The following EPHA5 variants were observed in gnomAD, a reference collection of about 807,000 sequenced individuals.
EPHA5 encodes the protein ephrin type-A receptor 5.
Under a neutral mutation model 105.0 loss-of-function variants are expected in EPHA5, and 60 were observed. That is an observed-to-expected ratio of 0.57 (90% CI 0.46 to 0.71). The LOEUF is 0.71. Among genes scored for constraint, EPHA5 ranks in the 30% least tolerant of loss-of-function variants. The pLI is 0.00. For synonymous variants in EPHA5, 513 were observed against 449.1 expected (o/e 1.14, Z -1.80); for missense variants, 1,218 against 1,274.7 (o/e 0.96, Z 0.68).
chr4:65,431,834 T>A (rs1295665060), intron 5 of EPHA5, among the ~76,000 whole-genome samples: 1 of 152,112 alleles, frequency 6.6e-6, no homozygotes, highest in African/African-American at 2.4e-5. Flanking sequence ...GAGAGTGGCC[T>A]CATTTATCTT....
intron 3 of EPHA5, among the ~76,000 whole-genome samples, chr4:65,505,750 A>C (rs1732946798): frequency 6.6e-6 from 1 of 152,094 alleles, no homozygotes; most frequent in South Asian, 2.1e-4. Context: ...CAAAACTAGC[A>C]TTTGTAATTA....
chr4:65,420,075 T>C (rs1336168441), intron 6 of EPHA5, among the ~76,000 whole-genome samples: 1 of 152,188 alleles, frequency 6.6e-6, no homozygotes, highest in Non-Finnish European at 1.5e-5. Context: ...AGGTGTTATG[T>C]TGAGTTACTG....
Position 65,321,317 on chromosome 4 carries a change from T to C in EPHA5, c.*2797A>G, listed in dbSNP as rs1719621803. The C allele has an allele frequency of 1.3e-5, 3 of 230,300 alleles. No individual in the cohort carries two copies. The South Asian group carries it at 5.4e-4, about 42-fold the overall frequency. 14.3% of individuals were successfully genotyped at this position (230,300 alleles called of 1,614,324 possible). A position where few individuals can be genotyped will look rare whatever the true frequency, so the allele number is the denominator to read the frequency against. On this transcript the variant is annotated 3_prime_UTR_variant, in exon 17 of 17. Transcript: ENST00000613740. ...CAAAATGAATCAACAGAATAAGAAA[T>C]TACACAATCAAGATTTGTTAAACTT... is the stretch of plus-strand genomic sequence containing the variant.
chr4:65,388,145 A>G (rs1403353055), intron 8 of EPHA5, among the ~76,000 whole-genome samples: 5 of 149,320 alleles, frequency 3.3e-5, no homozygotes, highest in Middle Eastern at 3.4e-3. Flanking sequence ...AAGGACATGA[A>G]CTCATCATTT....
chr4:65,593,765 G>A (rs190002924), intron 3 of EPHA5, among the ~76,000 whole-genome samples: 1 of 152,326 alleles, frequency 6.6e-6, no homozygotes, highest in East Asian at 1.9e-4. Context: ...GATTTGAGCT[G>A]AGGCCGGCAT....
At chr4:65,399,648 A>G (rs1287789752) in intron 8 of EPHA5, among the ~76,000 whole-genome samples, 1 of 152,212 alleles carries the variant, frequency 6.6e-6, no homozygotes, top group Non-Finnish European at 1.5e-5. Flanking sequence ...TGTTTTGTTT[A>G]TATGCAAGAA....
intron 10 of EPHA5, 92 bp from the exon 11 acceptor site, chr4:65,365,294 T>G (rs766571166): frequency 9.5e-7 from 1 of 1,050,794 alleles, no homozygotes; most frequent in Non-Finnish European, 1.4e-6. Flanking sequence ...AAGGCTTAGA[T>G]GAAAAAACAA....
rs147908609 is a variant in EPHA5, at chr4:65,370,830, T to G, written c.1794-3406A>C. Among the ~76,000 whole-genome samples, 715 of 152,138 alleles carry G rather than the reference T, an allele frequency of 4.7e-3. 10 individuals are homozygous for G. Among genetic ancestry groups the G allele is most frequent in the African/African-American group, 0.017 (686 of 41,508 alleles). ...TATACGGCTGCATATCACATTAACG[T>G]ATGGAATTAAGTTCTGGAACCTCCC... On this transcript the variant is annotated intron_variant, in intron 8 of 16. Coordinates refer to ENST00000613740, the MANE Select transcript of EPHA5 (RefSeq NM_001281766.3).
chr4:65,367,173 T>C (rs1717988319), intron 9 of EPHA5, among the ~76,000 whole-genome samples, 184 bp downstream of exon 9: 1 of 151,056 alleles, frequency 6.6e-6, no homozygotes, highest in Non-Finnish European at 1.5e-5. Flanking sequence ...AGCTATTGCC[T>C]AAAGCCTTCC....
chr4:65,567,760 A>C (rs1398864725), intron 3 of EPHA5, among the ~76,000 whole-genome samples: 2 of 151,558 alleles, frequency 1.3e-5, no homozygotes, highest in Admixed American at 1.3e-4. Context: ...GTGAAACTCA[A>C]AATATGTATC....
chr4:65,504,443 A>G (rs934613776), intron 3 of EPHA5, among the ~76,000 whole-genome samples: 3 of 151,664 alleles, frequency 2.0e-5, no homozygotes, highest in Non-Finnish European at 4.4e-5. Context: ...AGTGAAGTAC[A>G]TTGATTTGAT....
chr4:65,533,464 T>A (rs1006649923), intron 3 of EPHA5, among the ~76,000 whole-genome samples: 1 of 152,166 alleles, frequency 6.6e-6, no homozygotes, highest in African/African-American at 2.4e-5. Flanking sequence ...AGTGTCTGAA[T>A]TACAACTCAG....
intron 2 of EPHA5, among the ~76,000 whole-genome samples, chr4:65,640,581 C>G (rs575528144): frequency 6.6e-6 from 1 of 152,118 alleles, no homozygotes; most frequent in Non-Finnish European, 1.5e-5. Flanking sequence ...CCACTGCGCC[C>G]GGCCAAAGTC....
intron 4 of EPHA5, among the ~76,000 whole-genome samples, chr4:65,494,009 C>T (rs187666126): frequency 1.3e-5 from 2 of 152,276 alleles, no homozygotes; most frequent in East Asian, 3.9e-4. Context: ...TTATTGAAAT[C>T]TCCACTGGAA....
intron 3 of EPHA5, among the ~76,000 whole-genome samples, chr4:65,537,921 A>G (rs1736445431): frequency 6.6e-6 from 1 of 151,728 alleles, no homozygotes; most frequent in African/African-American, 2.4e-5. Context: ...CGAAATCAAG[A>G]GTATCACTTA....
At chr4:65,503,242 A>G (rs1029567492) in intron 3 of EPHA5, among the ~76,000 whole-genome samples, 2 of 151,856 alleles carry the variant, frequency 1.3e-5, no homozygotes, top group African/African-American at 4.8e-5. Context: ...GTGTACCAAC[A>G]AACCTGTACA....
chr4:65,432,974 C>T (rs1725119415), intron 5 of EPHA5, among the ~76,000 whole-genome samples: 1 of 151,906 alleles, frequency 6.6e-6, no homozygotes, highest in Admixed American at 6.6e-5. Context: ...AGGTACTTAA[C>T]CTGATGCTTC....
intron 2 of EPHA5, among the ~76,000 whole-genome samples, chr4:65,620,108 G>GTATATATATATATATATATA (rs34861369): frequency 1.3e-3 from 173 of 137,274 alleles, no homozygotes; most frequent in African/African-American, 3.8e-3. Flanking sequence ...TTGGACTCAG[G>GTATATATATATATATATATA]TATATATATA....
intron 14 of EPHA5, among the ~76,000 whole-genome samples, chr4:65,339,122 C>A (rs1402808683): frequency 6.6e-6 from 1 of 152,096 alleles, no homozygotes; most frequent in African/African-American, 2.4e-5. Flanking sequence ...CACAATACTG[C>A]CTCTCTTTCC....
Sources: allele counts gnomAD v4.1 joint callset (sites outside exome capture counted in the v4.1 genomes callset), GRCh38; gene constraint gnomAD v4.1.1; transcripts MANE v1.5; gene names NCBI Gene and HGNC (gene_info 2026-07-23, HGNC 2026-07-21).